Variants in MAST2 observed in about 807,000 individuals in gnomAD.
MAST2 encodes the protein microtubule associated serine/threonine kinase 2.
In MAST2, 70 loss-of-function variants were observed where a neutral mutation model predicts 147.4. The observed-to-expected ratio is 0.47, with a 90% CI of 0.39 to 0.58. The LOEUF (loss-of-function observed/expected upper bound fraction) is 0.58, where lower values mean the gene tolerates loss of function less well. Among genes scored for constraint, MAST2 ranks in the 20% least tolerant of loss-of-function variants. The pLI is 0.00. For synonymous variants in MAST2, 869 were observed against 896.8 expected, an observed-to-expected ratio of 0.97 and a Z score of 0.55; for missense variants, 2,080 against 2,302.3, an observed-to-expected ratio of 0.90 and a Z score of 1.98.
Position 45,983,115 on chromosome 1 carries a change from G to A in MAST2, c.593-14609G>A, listed in dbSNP as rs966208339. 1.2e-4 allele frequency among the ~76,000 whole-genome samples: 18 copies of A among 152,158 alleles called. 1 individual carries two copies. The highest frequency in any genetic ancestry group is 2.2e-4 in the Non-Finnish European group (15 of 68,012). ...TACCCTGGCAACAACTCCATAACTT[G>A]GAAACCATTTCTTTTCTCCAACGTT... is the stretch of plus-strand genomic sequence containing the variant. On this transcript the variant is annotated intron_variant, in intron 5 of 28. Coordinates refer to ENST00000361297, the MANE Select transcript of MAST2 (RefSeq NM_015112.3).
At chr1:45,824,135 ATAAACT>A (rs755604193) in intron 1 of MAST2, among the ~76,000 whole-genome samples, 1 of 152,208 alleles carries the variant, frequency 6.6e-6, no homozygotes, top group Non-Finnish European at 1.5e-5. Flanking sequence ...ATAAACATAA[ATAAACT>A]TAACTAAGAA....
intron 3 of MAST2, among the ~76,000 whole-genome samples, chr1:45,852,755 G>A (rs888002518): frequency 2.6e-5 from 4 of 151,828 alleles, no homozygotes; most frequent in African/African-American, 7.3e-5. Context: ...TTTGAGATCC[G>A]TCTAAATTGT....
chr1:45,919,244 G>T (rs372240011), intron 4 of MAST2, among the ~76,000 whole-genome samples: 3 of 152,286 alleles, frequency 2.0e-5, no homozygotes, highest in African/African-American at 4.8e-5. Flanking sequence ...TATTTTAAAG[G>T]TAGAATTGAT....
At chr1:45,873,573 CTT>C (rs1484883332) in intron 3 of MAST2, among the ~76,000 whole-genome samples, 1 of 152,082 alleles carries the variant, frequency 6.6e-6, no homozygotes, top group African/African-American at 2.4e-5. Context: ...CTAGGAATAA[CTT>C]TTGTGAGAAA....
intron 19 of MAST2, 57 bp from the exon 20 acceptor site, chr1:46,029,774 G>C: frequency 6.3e-7 from 1 of 1,599,440 alleles, no homozygotes; most frequent in Non-Finnish European, 8.5e-7. Flanking sequence ...TAGATTTGCT[G>C]ACCTAGACTC....
chr1:45,852,956 A>T (rs1409639222), intron 3 of MAST2, among the ~76,000 whole-genome samples: 1 of 151,648 alleles, frequency 6.6e-6, no homozygotes, highest in Non-Finnish European at 1.5e-5. Flanking sequence ...TTTTGTTGAG[A>T]TGGTATCTCT....
intron 5 of MAST2, among the ~76,000 whole-genome samples, chr1:45,990,046 G>T (rs1036505096): frequency 2.6e-5 from 4 of 152,164 alleles, no homozygotes; most frequent in Admixed American, 2.0e-4. Context: ...ACACATTCAT[G>T]TTCAGGTTTT....
At chr1:45,891,746 C>A (rs775323143) in intron 4 of MAST2, among the ~76,000 whole-genome samples, 1 of 151,658 alleles carries the variant, frequency 6.6e-6, no homozygotes, top group African/African-American at 2.4e-5. Context: ...TTGGGTTTGG[C>A]CTGATTATTT....
At position 46,035,488 on chromosome 1, in the gene MAST2, G is replaced by C; in HGVS notation, c.4819G>C (p.Ala1607Pro). Residue 1607 changes from alanine to proline, a missense_variant, in exon 29 of 29, where the codon GCC becomes CCC. This residue lies in a region of MAST2 where 1,278 missense variants were observed against 1,304.2 expected (regional missense o/e 0.98). Transcript: ENST00000361297. The surrounding 1 kb of genome is among the most constrained non-coding windows in gnomAD (Gnocchi z 5.5). Reference protein sequence around the residue: ...SAGPNLGQSGATDPIPPEGCW... With the variant: ...SAGPNLGQSGPTDPIPPEGCW... ...AGGCCCCAACCTAGGTCAGTCTGGAGCCACAGACCCCATCCCTCCTGAAGG... is the reference window on the plus strand; with the variant it reads ...AGGCCCCAACCTAGGTCAGTCTGGACCCACAGACCCCATCCCTCCTGAAGG... 1 of 1,613,286 alleles carries C rather than the reference G, an allele frequency of 6.2e-7. No homozygotes were observed. The highest frequency in any genetic ancestry group is 8.5e-7 in the Non-Finnish European group (1 of 1,179,998).
chr1:45,985,616 G>A (rs1644582972), intron 5 of MAST2, among the ~76,000 whole-genome samples: 1 of 152,168 alleles, frequency 6.6e-6, no homozygotes, highest in Non-Finnish European at 1.5e-5. Context: ...CTTGTCCTTT[G>A]TATTTCCATA....
At chr1:45,997,934 CTG>C (rs1179736091) in intron 6 of MAST2, 135 bp downstream of exon 6, 3 of 766,296 alleles carry the variant, frequency 3.9e-6, no homozygotes, top group African/African-American at 1.7e-5. Flanking sequence ...CATCAAAACT[CTG>C]TCTTTGCTTT....
chr1:45,815,422 A>C (rs956550909), intron 1 of MAST2, among the ~76,000 whole-genome samples: 2 of 152,102 alleles, frequency 1.3e-5, no homozygotes, highest in Non-Finnish European at 2.9e-5. Context: ...CACCCTCCTC[A>C]GCCTCCCTAA....
At chr1:45,900,173 C>CCA (rs1491525511) in intron 4 of MAST2, among the ~76,000 whole-genome samples, 1 of 54,106 alleles carries the variant, frequency 1.8e-5, no homozygotes, top group Non-Finnish European at 3.1e-5. Flanking sequence ...CTCTCTCTCT[C>CCA]AAAAAAAAAA....
At chr1:46,030,459 C>G in intron 21 of MAST2, 148 bp from the exon 22 acceptor site, 1 of 1,014,634 alleles carries the variant, frequency 9.9e-7, no homozygotes, top group Non-Finnish European at 1.4e-6. Context: ...TGGAATAACT[C>G]CTTCCCCAAA....
At chr1:46,027,679 A>C in intron 16 of MAST2, 52 bp from the exon 17 acceptor site, 1 of 1,582,892 alleles carries the variant, frequency 6.3e-7, no homozygotes, top group Admixed American at 1.7e-5. Flanking sequence ...TAAAATCAGT[A>C]CTCTCAGAAA....
rs553808443 is a variant in MAST2, at chr1:45,982,375, G to T, written c.593-15349G>T. On this transcript the variant is annotated intron_variant, in intron 5 of 28. Coordinates refer to ENST00000361297, the MANE Select transcript of MAST2 (RefSeq NM_015112.3). ...GTAGTGGGCCCCTGGATAGTTTCAG[G>T]TTGGGGACTGATCACAAGAAAGACA... Among the ~76,000 whole-genome samples, 12 of 152,310 alleles carry T rather than the reference G, an allele frequency of 7.9e-5. No homozygotes were observed. The South Asian group carries it at 2.3e-3, about 29-fold the overall frequency.
intron 5 of MAST2, among the ~76,000 whole-genome samples, chr1:45,994,943 A>G (rs921375919): frequency 2.2e-4 from 33 of 150,988 alleles, no homozygotes; most frequent in Non-Finnish European, 4.4e-4. Flanking sequence ...GGTTCACGCC[A>G]TTCTCCTGCC....
At chr1:45,998,818 C>G (rs1645157727) in intron 6 of MAST2, among the ~76,000 whole-genome samples, 1 of 151,870 alleles carries the variant, frequency 6.6e-6, no homozygotes, top group Admixed American at 6.6e-5. Context: ...AACTCCGCCT[C>G]CCGGGTTCAC....
intron 4 of MAST2, among the ~76,000 whole-genome samples, chr1:45,903,765 A>C (rs573484454): frequency 2.8e-4 from 43 of 152,348 alleles, no homozygotes; most frequent in South Asian, 6.2e-4. Flanking sequence ...ATGAGTTTAG[A>C]AGTGGATTCT....
Sources: gnomAD v4.1 joint callset for allele counts (sites outside exome capture counted in the v4.1 genomes callset) on GRCh38, gnomAD v4.1.1 for gene constraint, gnomAD v4.1.1 regional missense constraint, Gnocchi (gnomAD v3.1) non-coding constraint, MANE v1.5 for transcripts, NCBI Gene and HGNC (gene_info 2026-07-23, HGNC 2026-07-21) for gene names.